LRTM3: variants seen among roughly 807,000 people sequenced by gnomAD.
LRTM3 encodes the protein leucine-rich repeat transmembrane protein 3.
chr13:102,738,396 T>C, the LRTM3 span: 1 of 1,550,732 alleles, frequency 6.4e-7, no homozygotes, highest in South Asian at 1.2e-5. Flanking sequence ...TCTCTCCTTG[T>C]ATCCAGTTGT....
chr13:102,734,263 T>G, the LRTM3 span: 2 of 1,551,448 alleles, frequency 1.3e-6, no homozygotes, highest in Non-Finnish European at 1.7e-6. Context: ...CACCACTCCT[T>G]GCCTCTGCAT....
chr13:102,754,520 A>G, the LRTM3 span, among the ~76,000 whole-genome samples: 1 of 152,090 alleles, frequency 6.6e-6, no homozygotes, highest in Admixed American at 6.6e-5. Context: ...GATTGCTAAC[A>G]ACAAACTGAC....
chr13:102,733,798 G>A, the LRTM3 span: 7 of 1,551,268 alleles, frequency 4.5e-6, no homozygotes, highest in Non-Finnish European at 6.1e-6. Flanking sequence ...TTTGCTGGAC[G>A]CTGATCATGA....
chr13:102,737,469 C>T, the LRTM3 span: 7 of 1,550,832 alleles, frequency 4.5e-6, no homozygotes. Context: ...CCTACTCCAT[C>T]TGCTTGCTGT....
At chr13:102,740,646 C>G in the LRTM3 span, 2 of 1,548,420 alleles carry the variant, frequency 1.3e-6, no homozygotes, top group East Asian at 2.4e-5. Flanking sequence ...TGTGGAATAT[C>G]CATAGCATCT....
the LRTM3 span, chr13:102,734,417 A>G: frequency 5.7e-5 from 88 of 1,551,128 alleles, no homozygotes; most frequent in Non-Finnish European, 7.7e-5. Flanking sequence ...GAGTATGCAC[A>G]TTTTTCTTTG....
At chr13:102,758,181 C>T in the LRTM3 span, among the ~76,000 whole-genome samples, 1 of 152,072 alleles carries the variant, frequency 6.6e-6, no homozygotes, top group Non-Finnish European at 1.5e-5. Flanking sequence ...CTTTATTTTC[C>T]TCATCTGTAA....
the LRTM3 span, chr13:102,732,516 C>G: frequency 6.4e-7 from 1 of 1,551,174 alleles, no homozygotes; most frequent in South Asian, 1.2e-5. Flanking sequence ...GAATCCAGAA[C>G]ATTTCTTTGA....
At chr13:102,743,063 T>C in the LRTM3 span, 1 of 1,550,444 alleles carries the variant, frequency 6.4e-7, no homozygotes, top group Non-Finnish European at 8.7e-7. Flanking sequence ...ATCCTCTGAT[T>C]TACCAAGATG....
chr13:102,733,956 A>T, the LRTM3 span: 15 of 1,551,312 alleles, frequency 9.7e-6, no homozygotes, highest in South Asian at 1.2e-5. Flanking sequence ...TGTGGACAAG[A>T]TGATCCTGTA....
the LRTM3 span, chr13:102,746,990 A>T: frequency 6.4e-6 from 10 of 1,551,174 alleles, no homozygotes; most frequent in Non-Finnish European, 8.7e-6. Flanking sequence ...TGGTTGATGC[A>T]TTTCTTTCTC....
At chr13:102,743,199 T>C in the LRTM3 span, 1 of 1,550,734 alleles carries the variant, frequency 6.4e-7, no homozygotes, top group East Asian at 2.4e-5. Context: ...TTTACCAAGT[T>C]GGAAGTTCTT....
chr13:102,742,892 G>C, the LRTM3 span: 24 of 1,550,768 alleles, frequency 1.5e-5, no homozygotes, highest in Non-Finnish European at 2.1e-5. Flanking sequence ...GGCATCATCT[G>C]TTGCCTCACT....
the LRTM3 span, among the ~76,000 whole-genome samples, chr13:102,757,073 G>A: frequency 6.6e-6 from 1 of 152,100 alleles, no homozygotes; most frequent in Non-Finnish European, 1.5e-5. Context: ...GCACACCTAA[G>A]CCCTCTAATA....
the LRTM3 span, chr13:102,739,881 T>C: frequency 6.5e-7 from 1 of 1,550,246 alleles, no homozygotes; most frequent in Non-Finnish European, 8.7e-7. Flanking sequence ...ATTTTGTCTG[T>C]CATGTTCCAC....
At chr13:102,745,590 C>T in the LRTM3 span, 9 of 1,550,988 alleles carry the variant, frequency 5.8e-6, no homozygotes, top group South Asian at 4.8e-5. Context: ...TTGGGATTCA[C>T]TAAAGTTTTC....
At chr13:102,750,492 A>G in the LRTM3 span, 1 of 659,958 alleles carries the variant, frequency 1.5e-6, no homozygotes, top group Non-Finnish European at 2.5e-6. Context: ...AAAACAGATC[A>G]GCATAGAGAT....
chr13:102,736,485 C>T, the LRTM3 span: 3 of 1,551,098 alleles, frequency 1.9e-6, no homozygotes, highest in Non-Finnish European at 1.7e-6. Context: ...TTTGTAGGTG[C>T]TGTTTGCCTT....
the LRTM3 span, chr13:102,729,538 C>A: frequency 6.7e-7 from 1 of 1,503,282 alleles, no homozygotes; most frequent in Non-Finnish European, 8.9e-7. Context: ...AACTTGAAAT[C>A]TTTGCCACTA....
Sources: allele counts gnomAD v4.1 joint callset (sites outside exome capture counted in the v4.1 genomes callset), GRCh38; gene constraint gnomAD v4.1.1; transcripts MANE v1.5; gene names NCBI Gene and HGNC (gene_info 2026-07-23, HGNC 2026-07-21).